Variants in DLGAP2 observed in about 807,000 individuals in gnomAD.
The protein encoded by DLGAP2 is DLG associated protein 2.
DLGAP2 carries 26 observed loss-of-function variants against 100.3 expected under a neutral mutation model. The observed-to-expected ratio is 0.26, with a 90% CI of 0.19 to 0.36. DLGAP2 has a LOEUF of 0.36. Ranked by LOEUF, DLGAP2 falls within the 10% of genes least tolerant of loss-of-function variation. The probability of loss-of-function intolerance (pLI) is 1.00; values close to 1 mark genes in which losing one functional copy is unlikely to be tolerated. For missense variants in DLGAP2, 1,858 were observed against 1,453.2 expected, an observed-to-expected ratio of 1.28 and a Z score of -4.53; for synonymous variants, 886 against 630.1, an observed-to-expected ratio of 1.41 and a Z score of -6.08.
In DLGAP2 at chr8:1,680,184, T is replaced by A. The variant is rs533085212; in HGVS notation, c.2704+1555T>A. On this transcript the variant is annotated intron_variant, in intron 12 of 14. Coordinates refer to ENST00000637795, the MANE Select transcript of DLGAP2 (RefSeq NM_001346810.2). The stretch of plus-strand genomic sequence containing the variant: ...ATGTCTTGACAAATTACGGTCTAAG[T>A]ATTTTTCTTTTTCTGTGAATTTATT... Among the ~76,000 whole-genome samples, 122 of 152,334 alleles carry A rather than the reference T, an allele frequency of 8.0e-4. 1 individual carries two copies. The highest frequency in any genetic ancestry group is 1.2e-3 in the Non-Finnish European group (85 of 68,040).
chr8:1,460,342 C>T (rs924673533), intron 3 of DLGAP2, among the ~76,000 whole-genome samples: 1 of 152,230 alleles, frequency 6.6e-6, no homozygotes, highest in Non-Finnish European at 1.5e-5. Context: ...ACCACGGGCT[C>T]TGATGTTGTG....
chr8:1,229,387 A>T (rs12155891), intron 2 of DLGAP2, among the ~76,000 whole-genome samples: 1 of 151,748 alleles, frequency 6.6e-6, no homozygotes, highest in African/African-American at 2.4e-5. Context: ...TTTTATTACC[A>T]ATTCAGTTTT....
At chr8:1,071,556 G>A (rs562216541) in intron 2 of DLGAP2, among the ~76,000 whole-genome samples, 9 of 152,268 alleles carry the variant, frequency 5.9e-5, no homozygotes, top group African/African-American at 1.4e-4. Context: ...ACAAAACAGC[G>A]CTAGCCTGAT....
chr8:847,153 C>G (rs887849984), intron 1 of DLGAP2, among the ~76,000 whole-genome samples: 1 of 152,148 alleles, frequency 6.6e-6, no homozygotes, highest in African/African-American at 2.4e-5. Flanking sequence ...GATTCAATAA[C>G]TGTTATGGTT....
intron 2 of DLGAP2, among the ~76,000 whole-genome samples, chr8:1,068,724 G>A (rs1803333437): frequency 6.6e-6 from 1 of 152,096 alleles, no homozygotes; most frequent in Non-Finnish European, 1.5e-5. Flanking sequence ...TGCACAGCAG[G>A]GGCTCAGCGC....
rs781504764 is a variant in DLGAP2 at position 1,678,479 on chromosome 8, G to A, written c.2554G>A (p.Ala852Thr). 1.5e-4 allele frequency: 234 copies of A among 1,613,022 alleles called. No homozygotes were observed. The highest frequency in any genetic ancestry group is 8.3e-4 in the Middle Eastern group (5 of 6,060). The stretch of plus-strand genomic sequence containing the variant: ...CCCTCCAGACCCCTGGCTGGAGCCC[G>A]CCATCGACACGGTAGAGACTGGGAG... Reference protein sequence around the residue: ...LPPPDPWLEPAIDTVETGRMS... With the variant: ...LPPPDPWLEPTIDTVETGRMS... The change falls in exon 12 of 15, where the codon GCC becomes ACC. Residue 852 changes from alanine to threonine, a missense_variant. Transcript: ENST00000637795.
chr8:1,094,425 G>A (rs566715019), intron 2 of DLGAP2, among the ~76,000 whole-genome samples: 1 of 152,356 alleles, frequency 6.6e-6, no homozygotes, highest in East Asian at 1.9e-4. Context: ...AGGCCTTCCT[G>A]TCAGTACAGA....
intron 5 of DLGAP2, among the ~76,000 whole-genome samples, chr8:1,550,592 C>CCGTG (rs745409402): frequency 4.6e-5 from 7 of 152,118 alleles, no homozygotes; most frequent in Non-Finnish European, 7.4e-5. Flanking sequence ...TCTCTAAGCA[C>CCGTG]CCCCCACTAC....
At chr8:1,223,267 C>G (rs1486192432) in intron 2 of DLGAP2, among the ~76,000 whole-genome samples, 1 of 152,168 alleles carries the variant, frequency 6.6e-6, no homozygotes, top group Admixed American at 6.5e-5. Flanking sequence ...TCACTGTCCA[C>G]TTTGAAAGCC....
At chr8:1,367,258 G>A (rs1182720796) in intron 3 of DLGAP2, among the ~76,000 whole-genome samples, 1 of 152,222 alleles carries the variant, frequency 6.6e-6, no homozygotes, top group African/African-American at 2.4e-5. Context: ...CACCATAGGT[G>A]ACATAACACA....
intron 1 of DLGAP2, among the ~76,000 whole-genome samples, chr8:886,150 C>T (rs7008250): frequency 0.54 from 81,550 of 151,982 alleles, 22,478 homozygotes; most frequent in Admixed American, 0.66. Context: ...ATCCAGGAAT[C>T]TATCCAGTTA....
At chr8:1,293,490 T>G (rs960004610) in intron 3 of DLGAP2, among the ~76,000 whole-genome samples, 1 of 152,220 alleles carries the variant, frequency 6.6e-6, no homozygotes, top group Non-Finnish European at 1.5e-5. Flanking sequence ...CTCATCTCAG[T>G]GAGATTAATG....
At chr8:1,587,711 CT>C (rs1796167403) in intron 6 of DLGAP2, among the ~76,000 whole-genome samples, 1 of 152,082 alleles carries the variant, frequency 6.6e-6, no homozygotes, top group African/African-American at 2.4e-5. Context: ...AATTATTTTT[CT>C]TTCTTTAAAT....
chr8:1,087,943 A>G (rs1240224184), intron 2 of DLGAP2, among the ~76,000 whole-genome samples: 3 of 152,178 alleles, frequency 2.0e-5, no homozygotes, highest in East Asian at 1.9e-4. Context: ...TCAGGGCACA[A>G]TGTCAGTGCC....
intron 2 of DLGAP2, among the ~76,000 whole-genome samples, chr8:1,065,746 G>A (rs567357771): frequency 6.6e-6 from 1 of 152,308 alleles, no homozygotes; most frequent in Admixed American, 6.5e-5. Context: ...TACATCGTTT[G>A]CTCCTTGTGG....
chr8:1,224,785 A>C (rs1798381610), intron 2 of DLGAP2, among the ~76,000 whole-genome samples: 1 of 152,204 alleles, frequency 6.6e-6, no homozygotes, highest in Admixed American at 6.6e-5. Flanking sequence ...GACTGGATGG[A>C]CATTCTCCAA....
At chr8:1,013,475 C>G (rs2129021545) in intron 2 of DLGAP2, among the ~76,000 whole-genome samples, 2 of 152,218 alleles carry the variant, frequency 1.3e-5, no homozygotes, top group South Asian at 4.2e-4. Context: ...GATGAGCCAG[C>G]CTTTCCCAGG....
At chr8:1,436,068 G>A (rs926226375) in intron 3 of DLGAP2, among the ~76,000 whole-genome samples, 3 of 152,098 alleles carry the variant, frequency 2.0e-5, no homozygotes, top group Non-Finnish European at 2.9e-5. Flanking sequence ...TCTCTAGAGG[G>A]ACAGGACTAA....
chr8:1,236,225 GTTCTCTCACATGGCACCATGTCT>G (rs1323103522), intron 2 of DLGAP2, among the ~76,000 whole-genome samples: 30 of 83,584 alleles, frequency 3.6e-4, no homozygotes, highest in Non-Finnish European at 5.0e-4. Context: ...GCCGTGTCTA[GTTCTCTCACATGGCACCATGTCT>G]AGTTATCTCA....
Sources: gnomAD v4.1 joint callset for allele counts (sites outside exome capture counted in the v4.1 genomes callset) on GRCh38, gnomAD v4.1.1 for gene constraint, MANE v1.5 for transcripts, NCBI Gene and HGNC (gene_info 2026-07-23, HGNC 2026-07-21) for gene names.